Variants in NUDT9 observed in about 807,000 individuals in gnomAD.
NUDT9 encodes ADP-ribose pyrophosphatase.
NUDT9 carries 31 observed loss-of-function variants against 41.0 expected under a neutral mutation model. The observed-to-expected ratio is 0.76, with a 90% CI of 0.57 to 1.02. The LOEUF (loss-of-function observed/expected upper bound fraction) is 1.02. NUDT9 is among the 50% of genes least tolerant of loss of function. The pLI, the probability that NUDT9 is intolerant of heterozygous loss-of-function variation, is 0.00. For synonymous variants in NUDT9, 146 were observed against 147.6 expected (o/e 0.99, Z 0.08); for missense variants, 380 against 431.4 (o/e 0.88, Z 1.06).
intron 1 of NUDT9, among the ~76,000 whole-genome samples, chr4:87,427,282 C>T (rs1055171368): frequency 6.6e-6 from 1 of 152,112 alleles, no homozygotes; most frequent in Non-Finnish European, 1.5e-5. Context: ...TATTTCAAAG[C>T]ACCACGTCAG....
At chr4:87,449,556 C>G (rs1173561532) in intron 5 of NUDT9, among the ~76,000 whole-genome samples, 1 of 151,974 alleles carries the variant, frequency 6.6e-6, no homozygotes, top group Non-Finnish European at 1.5e-5. Flanking sequence ...AGTTCAGGCC[C>G]TCATCTTTAA....
rs1721376209 is a variant in NUDT9, at chr4:87,425,552, G to T, written c.107+2540G>T. Reference sequence around the variant, plus strand: ...TAGGATTACAGGCGCCCATCACCATGCCTGGCTAAGTTTTATATTTTTAGT... The same window carrying T: ...TAGGATTACAGGCGCCCATCACCATTCCTGGCTAAGTTTTATATTTTTAGT... On this transcript the variant is annotated intron_variant, in intron 1 of 7. Coordinates refer to ENST00000302174, the MANE Select transcript of NUDT9 (RefSeq NM_024047.5). Among the ~76,000 whole-genome samples the T allele has an allele frequency of 2.0e-5, 3 of 151,210 alleles. No individual in the cohort carries two copies. The South Asian group carries it at 6.3e-4, about 32-fold the overall frequency.
chr4:87,425,037 A>G (rs898562280), intron 1 of NUDT9, among the ~76,000 whole-genome samples: 3 of 152,134 alleles, frequency 2.0e-5, no homozygotes, highest in Non-Finnish European at 4.4e-5. Context: ...TGACAGAGTG[A>G]TACAATGTCT....
At chr4:87,457,069 T>C (rs908439465) in intron 7 of NUDT9, among the ~76,000 whole-genome samples, 5 of 152,178 alleles carry the variant, frequency 3.3e-5, no homozygotes, top group Admixed American at 6.5e-5. Context: ...CCTAGTACAG[T>C]CTGGCACACA....
intron 1 of NUDT9, among the ~76,000 whole-genome samples, chr4:87,428,428 A>G (rs567751458): frequency 6.6e-6 from 1 of 152,352 alleles, no homozygotes; most frequent in African/African-American, 2.4e-5. Context: ...ACCTGCACAC[A>G]GATGTTTATA....
chr4:87,451,624 A>G lies in NUDT9; in HGVS notation c.678A>G (p.Thr226=), dbSNP rs1228952835. The change falls in exon 6 of 8, where the codon ACA becomes ACG. Residue 226 remains threonine (T), a synonymous_variant. Coordinates refer to ENST00000302174, the MANE Select transcript of NUDT9 (RefSeq NM_024047.5). ...MVDPGEKISA[T]LKREFGEEAL... ...ATCCAGGAGAGAAGATTAGTGCCAC[A>G]CTGAAAAGAGAATTTGGTGAGGAAG... is the stretch of plus-strand genomic sequence containing the variant. 1 of 1,613,990 alleles carries G rather than the reference A, an allele frequency of 6.2e-7. No individual in the cohort carries two copies. The highest frequency in any genetic ancestry group is 1.7e-5 in the Admixed American group (1 of 60,018).
At chr4:87,439,468 C>T (rs984214641) in intron 3 of NUDT9, among the ~76,000 whole-genome samples, 1 of 151,988 alleles carries the variant, frequency 6.6e-6, no homozygotes, top group Non-Finnish European at 1.5e-5. Context: ...CCAGCCTGGC[C>T]AATATGGCAG....
At chr4:87,443,248 TAC>T (rs200092698) in intron 4 of NUDT9, among the ~76,000 whole-genome samples, 9 of 149,286 alleles carry the variant, frequency 6.0e-5, no homozygotes, top group Admixed American at 1.3e-4. Flanking sequence ...GGCACGACTA[TAC>T]ACACACACAC....
In NUDT9 at chr4:87,458,009, C is replaced by T; in HGVS notation, c.1041C>T (p.Cys347=). ...GGAGCGAGGACTCTGAAGCTGACTGCCATGCGTTGTAGCTGATGGTCTCCG... is the reference window on the plus strand; with the variant it reads ...GGAGCGAGGACTCTGAAGCTGACTGTCATGCGTTGTAGCTGATGGTCTCCG... ...AHWSEDSEAD[C]HAL is the part of the protein sequence containing the mutation. The change falls in exon 8 of 8, where the codon TGC becomes TGT. Residue 347 remains cysteine, a synonymous_variant. Coordinates refer to ENST00000302174, the MANE Select transcript of NUDT9 (RefSeq NM_024047.5). 6.5e-7 allele frequency: 1 copy of T among 1,542,188 alleles called. No individual in the cohort carries two copies. Among genetic ancestry groups the T allele is most frequent in the Non-Finnish European group, 8.7e-7 (1 of 1,151,580 alleles).
chr4:87,436,108 C>A (rs146044296), intron 2 of NUDT9, among the ~76,000 whole-genome samples: 33 of 151,562 alleles, frequency 2.2e-4, no homozygotes, highest in African/African-American at 8.0e-4. Context: ...ATTCTCCTGC[C>A]TCAGCCACCT....
chr4:87,423,757 A>G (rs1366633296), intron 1 of NUDT9, among the ~76,000 whole-genome samples: 1 of 152,030 alleles, frequency 6.6e-6, no homozygotes, highest in African/African-American at 2.4e-5. Context: ...TTATCTGTCT[A>G]TATTTTGATT....
intron 6 of NUDT9, among the ~76,000 whole-genome samples, chr4:87,452,821 T>TC (rs1285545761): frequency 1.3e-5 from 2 of 149,038 alleles, no homozygotes; most frequent in Non-Finnish European, 3.0e-5. Context: ...TTTTTTTTTT[T>TC]TTTTTTTTGA....
intron 4 of NUDT9, among the ~76,000 whole-genome samples, chr4:87,448,694 G>C (rs1400303910): frequency 6.6e-6 from 1 of 151,974 alleles, no homozygotes; most frequent in South Asian, 2.1e-4. Context: ...TGCCCATCCT[G>C]GTCTTGAACT....
At chr4:87,438,889 G>T (rs182093855) in intron 3 of NUDT9, among the ~76,000 whole-genome samples, 2 of 152,112 alleles carry the variant, frequency 1.3e-5, no homozygotes, top group Admixed American at 6.5e-5. Context: ...ATACCTGGCC[G>T]GGCGCAGTGG....
At position 87,449,109 on chromosome 4, in the gene NUDT9, A is replaced by G; in HGVS notation, c.531-33A>G. 2.3e-6 allele frequency: 3 copies of G among 1,284,418 alleles called. No homozygotes were observed. In the Admixed American group the frequency reaches 5.3e-5, roughly 23 times the overall value. 79.6% of individuals were successfully genotyped at this position (1,284,418 alleles called of 1,614,324 possible). A position where few individuals can be genotyped will look rare whatever the true frequency, so the allele number is the denominator to read the frequency against. On this transcript the variant is annotated intron_variant, in intron 4 of 7. Coordinates refer to ENST00000302174, the MANE Select transcript of NUDT9 (RefSeq NM_024047.5). Reference sequence around the variant, plus strand: ...GAGATAGAACCTTAGTTTTTGTTGTAAATCCGTTATGATTTTATATTACTA... The same window carrying G: ...GAGATAGAACCTTAGTTTTTGTTGTGAATCCGTTATGATTTTATATTACTA...
chr4:87,443,820 A>T (rs1722324584), intron 4 of NUDT9, among the ~76,000 whole-genome samples: 1 of 152,194 alleles, frequency 6.6e-6, no homozygotes, highest in Admixed American at 6.5e-5. Context: ...GAAAAATGAA[A>T]CTTAAAGTTA....
intron 1 of NUDT9, among the ~76,000 whole-genome samples, chr4:87,428,273 GAC>G (rs772608637): frequency 6.6e-6 from 1 of 152,132 alleles, no homozygotes; most frequent in Non-Finnish European, 1.5e-5. Flanking sequence ...TAAAACTGTA[GAC>G]ACACAAGAAT....
chr4:87,426,571 A>G (rs912357303), intron 1 of NUDT9, among the ~76,000 whole-genome samples: 1 of 151,716 alleles, frequency 6.6e-6, no homozygotes, highest in Admixed American at 6.6e-5. Context: ...CACCATGCCT[A>G]GCTAATTTTT....
intron 1 of NUDT9, among the ~76,000 whole-genome samples, chr4:87,426,250 A>G (rs1359177533): frequency 6.7e-6 from 1 of 149,624 alleles, no homozygotes; most frequent in African/African-American, 2.4e-5. Flanking sequence ...CTGTGAATGC[A>G]TAAAACATAT....
Sources: allele counts gnomAD v4.1 joint callset (sites outside exome capture counted in the v4.1 genomes callset), GRCh38; gene constraint gnomAD v4.1.1; transcripts MANE v1.5; gene names NCBI Gene and HGNC (gene_info 2026-07-23, HGNC 2026-07-21).